The following FCGRT variants were observed in gnomAD, a reference collection of about 807,000 sequenced individuals.
FCGRT encodes the protein IgG receptor FcRn large subunit p51.
Under a neutral mutation model 35.7 loss-of-function variants are expected in FCGRT, and 13 were observed. The ratio of observed to expected loss-of-function variants is 0.36; its 90% CI spans 0.24 to 0.58. The LOEUF (loss-of-function observed/expected upper bound fraction) is 0.58, where lower values mean the gene tolerates loss of function less well. Among genes scored for constraint, FCGRT ranks in the 20% least tolerant of loss-of-function variants. The pLI, the probability that FCGRT is intolerant of heterozygous loss-of-function variation, is 0.77. For synonymous variants in FCGRT, 233 were observed against 216.5 expected (o/e 1.08, Z -0.67); for missense variants, 455 against 474.9 (o/e 0.96, Z 0.39).
chr19:49,526,102 A>G lies in FCGRT; in HGVS notation c.1081A>G (p.Ile361Val). 6.2e-7 allele frequency: 1 copy of G among 1,612,250 alleles called. No individual in the cohort carries two copies. The highest frequency in any genetic ancestry group is 8.5e-7 in the Non-Finnish European group (1 of 1,178,538). Residue 361 changes from isoleucine (I) to valine (V), a missense_variant, in exon 7 of 7, where the codon ATT (isoleucine) becomes GTT (valine). Ile to Val is a conservative substitution (Grantham distance 29). Transcript: ENST00000221466. ...TGCTGATTTGAAGGATGTAAATGTGATTCCAGCCACCGCCTGACCATCCGC... is the reference window on the plus strand; with the variant it reads ...TGCTGATTTGAAGGATGTAAATGTGGTTCCAGCCACCGCCTGACCATCCGC... ...QDADLKDVNV[I>V]PATA
chr19:49,513,232 A>C (rs1275235383), intron 1 of FCGRT, 155 bp from the exon 2 acceptor site: 3 of 395,758 alleles, frequency 7.6e-6, no homozygotes, highest in African/African-American at 6.2e-5. Context: ...TTCAGGGGTG[A>C]AAGTTCTTCA....
At chr19:49,523,737 A>G (rs774626761) in intron 4 of FCGRT, among the ~76,000 whole-genome samples, 45 of 145,666 alleles carry the variant, frequency 3.1e-4, no homozygotes, top group Non-Finnish European at 5.9e-4. Flanking sequence ...GTGGGCACCT[A>G]TAGTCCCAGC....
chr19:49,525,305 C>T (rs1017704061), intron 5 of FCGRT, 152 bp from the exon 6 acceptor site: 4 of 697,768 alleles, frequency 5.7e-6, no homozygotes, highest in Non-Finnish European at 1.0e-5. Flanking sequence ...GGGCAGTCTG[C>T]CCAGATCGCC....
chr19:49,513,017 G>A (rs1162681827), intron 1 of FCGRT: 8 of 151,876 alleles, frequency 5.3e-5, no homozygotes, highest in African/African-American at 1.9e-4. Context: ...AGAGCGGTTG[G>A]GGGCCCGGAC....
intron 2 of FCGRT, 151 bp downstream of exon 2, chr19:49,513,624 G>C (rs893868054): frequency 4.7e-5 from 22 of 469,320 alleles, no homozygotes; most frequent in Non-Finnish European, 6.0e-5. Flanking sequence ...GTCTCCTGCT[G>C]GGCCTGAGGC....
At chr19:49,524,480 T>TAGGCCTGTCTGCCTGATTTCC in intron 4 of FCGRT, 27 bp from the exon 5 acceptor site, 1 of 1,598,454 alleles carries the variant, frequency 6.3e-7, no homozygotes, top group Non-Finnish European at 8.5e-7. Context: ...GCTCGCGACT[T>TAGGCCTGTCTGCCTGATTTCC]AGGCCTGTCT....
At position 49,514,336 on chromosome 19, in the gene FCGRT, G is replaced by A; in HGVS notation, c.451G>A (p.Gly151Ser). 3 of 1,613,732 alleles carry A rather than the reference G, an allele frequency of 1.9e-6. No individual in the cohort carries two copies. The highest frequency in any genetic ancestry group is 1.7e-6 in the Non-Finnish European group (2 of 1,179,918). ...TTTCGACCTCAAGCAGGGCACCTGG[G>A]GTGGGGACTGGCCCGAGGCCCTGGC... is the stretch of plus-strand genomic sequence containing the variant. ...MNFDLKQGTW[G>S]GDWPEALAIS... Residue 151 changes from glycine (G) to serine (S), a missense_variant, in exon 4 of 7, where the codon GGT (glycine) becomes AGT (serine). Physicochemically the swap from Gly to Ser is moderately conservative, Grantham distance 56. Around this residue, in one of 3 missense-constraint regions of FCGRT, gnomAD observed 312 missense variants for 296.1 expected, o/e 1.05. Coordinates refer to ENST00000221466, the MANE Select transcript of FCGRT (RefSeq NM_001136019.3).
intron 6 of FCGRT, 160 bp from the exon 7 acceptor site, chr19:49,525,850 G>T: frequency 2.8e-6 from 2 of 715,476 alleles, no homozygotes; most frequent in East Asian, 2.5e-5. Context: ...TGTAGAAAGA[G>T]GGGGGACGGA....
intron 4 of FCGRT, 38 bp downstream of exon 4, chr19:49,514,524 T>C (rs770981874): frequency 6.7e-7 from 1 of 1,503,542 alleles, no homozygotes; most frequent in East Asian, 2.3e-5. Context: ...TTCTGTCCTC[T>C]CTCCCGTCAT....
rs770717578 is a variant in FCGRT, at chr19:49,524,786, C to T, written c.871+10C>T. The T allele has an allele frequency of 4.2e-5, 67 of 1,597,042 alleles. No individual in the cohort carries two copies. Among genetic ancestry groups the T allele is most frequent in the Admixed American group, 2.0e-4 (12 of 59,514 alleles). On this transcript the variant is annotated intron_variant, in intron 5 of 6. Transcript: ENST00000221466. ...CTCAGGGTGGAGCTGGGTGAGGTCC[C>T]GCCAGGTGGTGATGCTCCTGGTTTC...
chr19:49,514,254 T>C lies in FCGRT; in HGVS notation c.369T>C (p.Pro123=), dbSNP rs1183924825. 1.2e-6 allele frequency: 2 copies of C among 1,610,624 alleles called. No homozygotes were observed. Among genetic ancestry groups the C allele is most frequent in the South Asian group, 1.1e-5 (1 of 90,534 alleles). Residue 123 remains proline (P), a synonymous_variant, in exon 4 of 7, where the codon CCT becomes CCC. Transcript: ENST00000221466. ...GCCTGCTGGGCTGTGAACTGGGCCC[T>C]GACAACACCTCGGTGCCCACCGCCA... ...LQGLLGCELG[P]DNTSVPTAKF... is the part of the protein sequence containing the mutation.
intron 4 of FCGRT, among the ~76,000 whole-genome samples, chr19:49,523,859 CAAAA>C (rs575904413): frequency 1.8e-5 from 2 of 108,756 alleles, no homozygotes; most frequent in Non-Finnish European, 2.0e-5. Context: ...GATTCCATCT[CAAAA>C]AAAAAAAAAA....
In FCGRT at chr19:49,526,315, A is replaced by G. The variant is rs2080077284; in HGVS notation, c.*196A>G. On this transcript the variant is annotated 3_prime_UTR_variant, in exon 7 of 7. Transcript: ENST00000221466. Reference sequence around the variant, plus strand: ...GGCTGTTTTCCACCTCGATAATATAACACGAGTTTGGGCCCGAATCAGTGT... The same window carrying G: ...GGCTGTTTTCCACCTCGATAATATAGCACGAGTTTGGGCCCGAATCAGTGT... 3.5e-6 allele frequency: 2 copies of G among 572,382 alleles called. No individual in the cohort carries two copies. The highest frequency in any genetic ancestry group is 6.2e-6 in the Non-Finnish European group (2 of 320,210). The allele number at this position is 572,382 out of a possible 1,614,324, so 35.5% of individuals were successfully genotyped here.
chr19:49,523,092 T>A (rs904554097), intron 4 of FCGRT, among the ~76,000 whole-genome samples: 1 of 152,064 alleles, frequency 6.6e-6, no homozygotes, highest in African/African-American at 2.4e-5. Flanking sequence ...CTCTTTCTTA[T>A]AATGTGCTTT....
chr19:49,523,158 T>A (rs890273851), intron 4 of FCGRT, among the ~76,000 whole-genome samples: 4 of 152,172 alleles, frequency 2.6e-5, no homozygotes, highest in Non-Finnish European at 4.4e-5. Context: ...TTCCTCTGTT[T>A]TATGGCCTGA....
rs17304975 is a variant in FCGRT, at chr19:49,516,198, A to G, written c.601+1712A>G. On this transcript the variant is annotated intron_variant, in intron 4 of 6. Coordinates refer to ENST00000221466, the MANE Select transcript of FCGRT (RefSeq NM_001136019.3). The stretch of plus-strand genomic sequence containing the variant: ...ACAAAGGAGAAGTTGAGACTCAACC[A>G]GGTAGTTTTTCTTTAATTGTCTTCT... 3,888 of 444,326 alleles carry G rather than the reference A, an allele frequency of 8.8e-3. 197 individuals carry two copies. The highest frequency in any genetic ancestry group is 0.069 in the Admixed American group (2,637 of 38,414). 27.5% of individuals were successfully genotyped at this position (444,326 alleles called of 1,614,324 possible).
chr19:49,513,568 C>A (rs973576740), intron 2 of FCGRT, 95 bp downstream of exon 2: 2 of 679,126 alleles, frequency 2.9e-6, no homozygotes, highest in Non-Finnish European at 4.2e-6. Context: ...CCGAGTTCCC[C>A]GCGAGCCCCT....
At chr19:49,519,592 CCTT>C (rs1347852686) in intron 4 of FCGRT, among the ~76,000 whole-genome samples, 1 of 152,222 alleles carries the variant, frequency 6.6e-6, no homozygotes, top group South Asian at 2.1e-4. Flanking sequence ...AAATAGTCCT[CCTT>C]CTCTTCTTTA....
rs1345177134 is a variant in FCGRT, at chr19:49,519,473, C to T, written c.601+4987C>T. On this transcript the variant is annotated intron_variant, in intron 4 of 6. Transcript: ENST00000221466. ...TTTTGATTTACAGGTTTCCCATTTT[C>T]TTTTTGTTTTTTTTCCCCCTGTAAT... Among the ~76,000 whole-genome samples the T allele has an allele frequency of 3.3e-5, 5 of 152,082 alleles. No homozygotes were observed. In the South Asian group the frequency reaches 1.0e-3, roughly 32 times the overall value.
Sources: allele counts gnomAD v4.1 joint callset (sites outside exome capture counted in the v4.1 genomes callset), GRCh38; gene constraint gnomAD v4.1.1; regional missense constraint gnomAD v4.1.1; transcripts MANE v1.5; gene names NCBI Gene and HGNC (gene_info 2026-07-23, HGNC 2026-07-21).